Variants in AGAP3 observed in about 807,000 individuals in gnomAD.
AGAP3 encodes the protein arf-GAP with GTPase, ANK repeat and PH domain-containing protein 3.
A neutral mutation model predicts 96.9 loss-of-function variants in AGAP3; 24 were observed. The ratio of observed to expected loss-of-function variants is 0.25; its 90% CI spans 0.18 to 0.35. The LOEUF is 0.35. AGAP3 is among the 10% of genes least tolerant of loss of function. AGAP3 has a pLI of 1.00. For missense variants in AGAP3, 876 were observed against 1,254.2 expected, an observed-to-expected ratio of 0.70 and a Z score of 4.55; for synonymous variants, 563 against 536.1, an observed-to-expected ratio of 1.05 and a Z score of -0.69.
In AGAP3 at chr7:151,117,000, C is replaced by G; in HGVS notation, c.391-95C>G. On this transcript the variant is annotated intron_variant, in intron 2 of 17. Transcript: ENST00000397238. ...CCTCTCTCCTCCCCTTCAGCCCTGG[C>G]CTTTCTCCCTCCTGCTGCTTCTTTG... 4 of 1,476,522 alleles carry G rather than the reference C, an allele frequency of 2.7e-6. No individual in the cohort carries two copies. The South Asian group carries it at 4.6e-5, about 17-fold the overall frequency. The allele number at this position is 1,476,522 out of a possible 1,614,324, so 91.5% of individuals were successfully genotyped here. A position where few individuals can be genotyped will look rare whatever the true frequency, so the allele number is the denominator to read the frequency against.
intron 9 of AGAP3, among the ~76,000 whole-genome samples, chr7:151,126,990 T>C (rs540268632): frequency 1.3e-5 from 2 of 152,294 alleles, no homozygotes; most frequent in Admixed American, 6.5e-5. Flanking sequence ...GCAGCAAGAA[T>C]GTGAAACGTG....
intron 10 of AGAP3, among the ~76,000 whole-genome samples, chr7:151,131,771 G>C (rs549600756): frequency 3.9e-5 from 6 of 152,214 alleles, no homozygotes; most frequent in Non-Finnish European, 8.8e-5. Flanking sequence ...AGTCCCCCCT[G>C]CAACTCTTCT....
chr7:151,087,737 G>T (rs6464124), intron 1 of AGAP3, among the ~76,000 whole-genome samples: 61,193 of 152,128 alleles, frequency 0.4, 13,526 homozygotes, highest in East Asian at 0.58. Flanking sequence ...CTGACCGACC[G>T]CCAGGGACAC....
Position 151,118,568 on chromosome 7 carries a change from T to C in AGAP3, c.905T>C (p.Leu302Pro). 1 of 1,614,134 alleles carries C rather than the reference T, an allele frequency of 6.2e-7. No individual in the cohort carries two copies. The highest frequency in any genetic ancestry group is 8.5e-7 in the Non-Finnish European group (1 of 1,180,028). Residue 302 changes from leucine to proline, a missense_variant, in exon 7 of 18, where the codon CTG becomes CCG. Coordinates refer to ENST00000397238, the MANE Select transcript of AGAP3 (RefSeq NM_031946.7). This position sits in a 1 kb window ranked among gnomAD's most constrained non-coding sequence, Gnocchi z 6.1. ...QQLAIGPCKS[L>P]PNSPSHSAVS... ...CTGGCCATCGGGCCCTGCAAGTCAC[T>C]GCCCAACTCGCCCAGCCACTCGGCC...
At chr7:151,091,395 A>G (rs1232065482) in intron 1 of AGAP3, among the ~76,000 whole-genome samples, 1 of 152,266 alleles carries the variant, frequency 6.6e-6, no homozygotes, top group Non-Finnish European at 1.5e-5. Context: ...TGTGGGTGCT[A>G]GTAGCCAGGG....
At position 151,143,846 on chromosome 7, in the gene AGAP3, C is replaced by T. The variant is rs748887083; in HGVS notation, c.2639C>T (p.Pro880Leu). ...CADILIQHGC[P>L]GEGCGLAPTP... ...GACATCTTGATCCAGCATGGCTGCC[C>T]TGGGGAGGGCTGTGGCTTAGCGCCT... Residue 880 changes from proline to leucine, a missense_variant, in exon 18 of 18, where the codon CCT (proline) becomes CTT (leucine). Physicochemically the swap from Pro to Leu is moderately conservative, Grantham distance 98. Coordinates refer to ENST00000397238, the MANE Select transcript of AGAP3 (RefSeq NM_031946.7). This position sits in a 1 kb window ranked among gnomAD's most constrained non-coding sequence, Gnocchi z 5.9. 9 of 1,613,998 alleles carry T rather than the reference C, an allele frequency of 5.6e-6. No homozygotes were observed. The highest frequency in any genetic ancestry group is 3.3e-4 in the Middle Eastern group (2 of 6,062).
intron 1 of AGAP3, among the ~76,000 whole-genome samples, chr7:151,100,156 G>T (rs1384472697): frequency 1.3e-5 from 2 of 152,240 alleles, no homozygotes; most frequent in Non-Finnish European, 2.9e-5. Flanking sequence ...CGTCTCAGAT[G>T]GGGTGTCCTG....
In AGAP3 at chr7:151,139,303, G is replaced by C. The variant is rs986399217; in HGVS notation, c.1667-676G>C. On this transcript the variant is annotated intron_variant, in intron 12 of 17. Coordinates refer to ENST00000397238, the MANE Select transcript of AGAP3 (RefSeq NM_031946.7). The surrounding 1 kb of genome is among the most constrained non-coding windows in gnomAD (Gnocchi z 4.9). ...GGGAGGAGCTGGGCGGTGCCAGCAC[G>C]GGGATCTGCCCCACCTCCCAATCCA... 2.6e-5 allele frequency among the ~76,000 whole-genome samples: 4 copies of C among 152,186 alleles called. No individual in the cohort carries two copies. Among genetic ancestry groups the C allele is most frequent in the African/African-American group, 9.7e-5 (4 of 41,440 alleles).
Position 151,141,871 on chromosome 7 carries a change from C to G in AGAP3, c.1805-27C>G. 6.2e-7 allele frequency: 1 copy of G among 1,614,146 alleles called. No homozygotes were observed. The highest frequency in any genetic ancestry group is 1.7e-5 in the Admixed American group (1 of 60,034). Reference sequence around the variant, plus strand: ...TGGGTGTGCACGCAGGCCAGGAGCCCTGATGGCATAAACACCCCCCCAACA... The same window carrying G: ...TGGGTGTGCACGCAGGCCAGGAGCCGTGATGGCATAAACACCCCCCCAACA... On this transcript the variant is annotated intron_variant, in intron 13 of 17. Coordinates refer to ENST00000397238, the MANE Select transcript of AGAP3 (RefSeq NM_031946.7). This position sits in a 1 kb window ranked among gnomAD's most constrained non-coding sequence, Gnocchi z 4.2.
Position 151,128,518 on chromosome 7 carries a change from C to T in AGAP3, c.1222-62C>T, listed in dbSNP as rs766451424. 8.5e-5 allele frequency: 121 copies of T among 1,431,796 alleles called. 1 individual carries two copies. Among genetic ancestry groups the T allele is most frequent in the Admixed American group, 2.4e-4 (14 of 58,106 alleles). 88.7% of individuals were successfully genotyped at this position (1,431,796 alleles called of 1,614,324 possible). A position where few individuals can be genotyped will look rare whatever the true frequency, so the allele number is the denominator to read the frequency against. On this transcript the variant is annotated intron_variant, in intron 9 of 17. Transcript: ENST00000397238. Reference sequence around the variant, plus strand: ...GGGCATTGCCTGACGACATCGTGACCTCCTCATGCCCTATGACCTAGGGGG... The same window carrying T: ...GGGCATTGCCTGACGACATCGTGACTTCCTCATGCCCTATGACCTAGGGGG...
At position 151,141,947 on chromosome 7, in the gene AGAP3, G is replaced by A. The variant is rs370865089; in HGVS notation, c.1854G>A (p.Thr618=). Residue 618 remains threonine (T), a synonymous_variant, in exon 14 of 18, where the codon ACG becomes ACA. Transcript: ENST00000397238. This position sits in a 1 kb window ranked among gnomAD's most constrained non-coding sequence, Gnocchi z 4.2. The part of the protein sequence containing the change: ...EFVVVSLTGQ[T]WHFEASTAEE... ...TGGTGGTGTCCCTCACTGGGCAGAC[G>A]TGGCACTTCGAGGCTTCAACGGCGG... 51 of 1,609,018 alleles carry A rather than the reference G, an allele frequency of 3.2e-5. No homozygotes were observed. The African/African-American group carries it at 4.3e-4, about 13-fold the overall frequency.
At chr7:151,104,002 T>C (rs1301978645) in intron 1 of AGAP3, among the ~76,000 whole-genome samples, 1 of 151,734 alleles carries the variant, frequency 6.6e-6, no homozygotes, top group Non-Finnish European at 1.5e-5. Flanking sequence ...CTTAGTGCCG[T>C]GGCGGGGGCG....
chr7:151,092,223 G>A (rs1005003712), intron 1 of AGAP3, among the ~76,000 whole-genome samples: 2 of 152,116 alleles, frequency 1.3e-5, no homozygotes, highest in Non-Finnish European at 2.9e-5. Flanking sequence ...CTGTCAGTGC[G>A]TCCCTGGCCC....
chr7:151,143,575 C>T lies in AGAP3; in HGVS notation c.2508C>T (p.Val836=). Residue 836 remains valine, a synonymous_variant, in exon 17 of 18, where the codon GTC becomes GTT. Coordinates refer to ENST00000397238, the MANE Select transcript of AGAP3 (RefSeq NM_031946.7). The surrounding 1 kb of genome is among the most constrained non-coding windows in gnomAD (Gnocchi z 5.9). The part of the protein sequence containing the change: ...LHLSSAMANV[V]FTQLLIWYGV... ...TCTCCAGTGCCATGGCCAACGTTGT[C>T]TTCACGCAGCTGCTCATCTGGGTGA... The T allele has an allele frequency of 6.2e-7, 1 of 1,605,292 alleles. No individual in the cohort carries two copies. Among genetic ancestry groups the T allele is most frequent in the South Asian group, 1.1e-5 (1 of 89,868 alleles).
intron 8 of AGAP3, chr7:151,123,130 C>T: frequency 1.8e-6 from 2 of 1,106,472 alleles, no homozygotes; most frequent in South Asian, 6.1e-5. Context: ...GGGCGCTTTC[C>T]TGCCCCTCCC....
intron 8 of AGAP3, chr7:151,122,935 C>G: frequency 6.9e-7 from 1 of 1,451,846 alleles, no homozygotes; most frequent in Non-Finnish European, 9.0e-7. Flanking sequence ...ACTAACCCCA[C>G]CCCCAGGGAA....
At chr7:151,115,361 C>T in intron 1 of AGAP3, 1 of 1,023,272 alleles carries the variant, frequency 9.8e-7, no homozygotes, top group South Asian at 4.4e-5. Context: ...TGCGCCGCGG[C>T]CAGGAGGTGC....
At chr7:151,104,196 G>A (rs555554885) in intron 1 of AGAP3, among the ~76,000 whole-genome samples, 4 of 152,270 alleles carry the variant, frequency 2.6e-5, no homozygotes, top group African/African-American at 7.2e-5. Context: ...CAAGGTGGCC[G>A]TAAACCCGAC....
At chr7:151,136,712 G>A (rs556755718) in intron 11 of AGAP3, among the ~76,000 whole-genome samples, 11 of 152,264 alleles carry the variant, frequency 7.2e-5, no homozygotes, top group East Asian at 1.9e-4. Context: ...ATTTTGGGTC[G>A]GGGGCTTGGG....
Sources: gnomAD v4.1 joint callset for allele counts (sites outside exome capture counted in the v4.1 genomes callset) on GRCh38, gnomAD v4.1.1 for gene constraint, Gnocchi (gnomAD v3.1) non-coding constraint, MANE v1.5 for transcripts, NCBI Gene and HGNC (gene_info 2026-07-23, HGNC 2026-07-21) for gene names.